DIPK1A: variants seen among roughly 807,000 people sequenced by gnomAD.
DIPK1A encodes the protein family with sequence similarity 69 member A.
In DIPK1A, 27 loss-of-function variants were observed where a neutral mutation model predicts 40.8. The ratio of observed to expected loss-of-function variants is 0.66; its 90% CI spans 0.49 to 0.91. The LOEUF (loss-of-function observed/expected upper bound fraction) is 0.91, where lower values mean the gene tolerates loss of function less well. DIPK1A is among the 40% of genes least tolerant of loss of function. The pLI is 0.00. For missense variants in DIPK1A, 412 were observed against 505.7 expected, an observed-to-expected ratio of 0.81 and a Z score of 1.78; for synonymous variants, 166 against 171.3, an observed-to-expected ratio of 0.97 and a Z score of 0.24.
downstream of DIPK1A, chr1:92,840,626 G>C (rs773839391): frequency 2.2e-5 from 36 of 1,609,092 alleles, no homozygotes; most frequent in East Asian, 7.8e-4. Flanking sequence ...CAAGAAAGAA[G>C]TTAAAAAGAA....
chr1:92,941,761 C>T (rs899707259), intron 1 of DIPK1A, among the ~76,000 whole-genome samples: 3 of 152,108 alleles, frequency 2.0e-5, no homozygotes, highest in Admixed American at 6.5e-5. Flanking sequence ...AAAACTACAT[C>T]GGGAATTCAA....
intron 2 of DIPK1A, among the ~76,000 whole-genome samples, chr1:92,872,970 C>T (rs1647944694): frequency 6.6e-6 from 1 of 152,286 alleles, no homozygotes; most frequent in Non-Finnish European, 1.5e-5. Context: ...TGAGGTTCCC[C>T]TGGTTTTCCA....
intron 2 of DIPK1A, 97 bp downstream of exon 2, chr1:92,876,199 A>C (rs1329213658): frequency 1.3e-6 from 1 of 782,962 alleles, no homozygotes; most frequent in Admixed American, 4.1e-5. Context: ...ATGTCAAATT[A>C]ACTTTTATTT....
rs763887768 is a variant in DIPK1A at position 92,961,387 on chromosome 1, A to G, written c.43T>C (p.Tyr15His). ...LCPGAWLRKP[Y>H]YLQARFSYVR... ...GGCCGCCGGCCTACCTGGAGGTAAT[A>G]GGGTTTCCTTAGCCAGGCCCCCGGA... is the stretch of plus-strand genomic sequence containing the variant. The change falls in exon 1 of 5, where the codon TAT becomes CAT. Residue 15 changes from tyrosine to histidine, a missense_variant. Physicochemically the swap from Tyr to His is moderately conservative, Grantham distance 83. Transcript: ENST00000370310. The G allele has an allele frequency of 6.5e-7, 1 of 1,527,630 alleles. No homozygotes were observed. Among genetic ancestry groups the G allele is most frequent in the African/African-American group, 1.4e-5 (1 of 69,598 alleles). The allele number at this position is 1,527,630 out of a possible 1,614,324, so 94.6% of individuals were successfully genotyped here.
At chr1:92,838,807 A>G (rs1302251209), downstream of DIPK1A, among the ~76,000 whole-genome samples, 1 of 152,260 alleles carries the variant, frequency 6.6e-6, no homozygotes, top group Admixed American at 6.5e-5. Context: ...ACAGCTAGCT[A>G]TAATAGAGTG....
chr1:92,878,104 G>T (rs1050103091), intron 1 of DIPK1A, among the ~76,000 whole-genome samples: 2 of 152,040 alleles, frequency 1.3e-5, no homozygotes, highest in African/African-American at 4.8e-5. Context: ...ATGAGACAGA[G>T]AAACACAAGT....
intron 1 of DIPK1A, among the ~76,000 whole-genome samples, chr1:92,919,123 C>G (rs1650173271): frequency 6.6e-6 from 1 of 152,174 alleles, no homozygotes; most frequent in South Asian, 2.1e-4. Context: ...CAGGGAGCAT[C>G]TTCTTTTTCA....
At chr1:92,941,108 T>C (rs1651134735) in intron 1 of DIPK1A, among the ~76,000 whole-genome samples, 1 of 152,248 alleles carries the variant, frequency 6.6e-6, no homozygotes, top group African/African-American at 2.4e-5. Flanking sequence ...AGAAAAAGAT[T>C]TTAATTTTGA....
intron 1 of DIPK1A, among the ~76,000 whole-genome samples, chr1:92,909,555 C>G (rs1312206742): frequency 6.6e-6 from 1 of 152,168 alleles, no homozygotes; most frequent in Non-Finnish European, 1.5e-5. Flanking sequence ...TTCCTGGCCT[C>G]AAGCCCAGAA....
chr1:92,867,341 A>G (rs568562716), intron 2 of DIPK1A, among the ~76,000 whole-genome samples: 17 of 151,056 alleles, frequency 1.1e-4, no homozygotes, highest in Non-Finnish European at 2.1e-4. Flanking sequence ...GGCATGGGCC[A>G]CTGCGCCTGG....
chr1:92,865,562 C>T (rs1229106573), intron 2 of DIPK1A, among the ~76,000 whole-genome samples: 1 of 152,214 alleles, frequency 6.6e-6, no homozygotes, highest in Non-Finnish European at 1.5e-5. Context: ...GTGTACCATT[C>T]CCACTCCATT....
chr1:92,887,514 T>A (rs1371466214), intron 1 of DIPK1A, among the ~76,000 whole-genome samples: 1 of 152,012 alleles, frequency 6.6e-6, no homozygotes, highest in Non-Finnish European at 1.5e-5. Flanking sequence ...GTAAAACAGA[T>A]CCCTACTAGT....
intron 4 of DIPK1A, chr1:92,833,101 T>A: frequency 2.9e-6 from 2 of 701,494 alleles, no homozygotes; most frequent in Non-Finnish European, 2.6e-6. Context: ...ACAATAATTT[T>A]ATACCTGTTA....
intron 2 of DIPK1A, among the ~76,000 whole-genome samples, chr1:92,853,545 T>C (rs896478276): frequency 9.8e-5 from 15 of 152,354 alleles, no homozygotes; most frequent in Middle Eastern, 3.4e-3. Context: ...GACTCGCCTG[T>C]GTCCTAATAG....
At chr1:92,930,756 G>C (rs893954986) in intron 1 of DIPK1A, 2 of 152,066 alleles carry the variant, frequency 1.3e-5, no homozygotes, top group Admixed American at 6.6e-5. Flanking sequence ...TTATCTCAAG[G>C]TGCCCATGCC....
intron 1 of DIPK1A, among the ~76,000 whole-genome samples, chr1:92,953,729 CA>C (rs963550235): frequency 4.6e-5 from 7 of 152,040 alleles, no homozygotes; most frequent in African/African-American, 9.7e-5. Context: ...CACCAAGGGC[CA>C]GGGGCAGGAG....
At chr1:92,878,920 C>G (rs937120035) in intron 1 of DIPK1A, among the ~76,000 whole-genome samples, 1 of 151,798 alleles carries the variant, frequency 6.6e-6, no homozygotes, top group African/African-American at 2.4e-5. Flanking sequence ...GGCAGGAAAA[C>G]TGCTTGAACC....
chr1:92,881,172 CAAAAAAAAAA>C (rs71094212), intron 1 of DIPK1A, among the ~76,000 whole-genome samples: 1 of 50,706 alleles, frequency 2.0e-5, no homozygotes, highest in African/African-American at 7.7e-5. Flanking sequence ...GACTCGGTCT[CAAAAAAAAAA>C]AAAAAAAAAA....
chr1:92,841,919 C>T, downstream of DIPK1A: 3 of 1,339,150 alleles, frequency 2.2e-6, no homozygotes, highest in Non-Finnish European at 3.2e-6. Flanking sequence ...TTATGAACAG[C>T]AACTATTTCT....
Sources: allele counts gnomAD v4.1 joint callset (sites outside exome capture counted in the v4.1 genomes callset), GRCh38; gene constraint gnomAD v4.1.1; transcripts MANE v1.5; gene names NCBI Gene and HGNC (gene_info 2026-07-23, HGNC 2026-07-21).